Variants in CELF2 observed in about 807,000 individuals in gnomAD.
CELF2 encodes the protein CUG triplet repeat RNA-binding protein 2.
Under a neutral mutation model 62.6 loss-of-function variants are expected in CELF2, and 8 were observed. That is an observed-to-expected ratio of 0.13 (90% confidence interval 0.07 to 0.23). The LOEUF (loss-of-function observed/expected upper bound fraction) is 0.23, where lower values mean the gene tolerates loss of function less well. Among genes scored for constraint, CELF2 ranks in the 10% least tolerant of loss-of-function variants. CELF2 has a pLI of 1.00. For synonymous variants in CELF2, 258 were observed against 250.0 expected (o/e 1.03, Z -0.30); for missense variants, 333 against 671.0 (o/e 0.50, Z 5.56).
intron 2 of CELF2, among the ~76,000 whole-genome samples, chr10:11,167,787 C>T (rs1385428217): frequency 6.6e-6 from 1 of 152,146 alleles, no homozygotes; most frequent in Admixed American, 6.6e-5. Context: ...GTATCTCAGA[C>T]CCTGTGTCAG....
At chr10:10,863,160 A>G (rs921032246) in intron 1 of CELF2, among the ~76,000 whole-genome samples, 1 of 152,144 alleles carries the variant, frequency 6.6e-6, no homozygotes, top group Non-Finnish European at 1.5e-5. Flanking sequence ...ACAGGAAAGA[A>G]CCCTACTCCT....
At chr10:10,709,784 G>T in the CELF2 span, among the ~76,000 whole-genome samples, 1 of 152,142 alleles carries the variant, frequency 6.6e-6, no homozygotes, top group Non-Finnish European at 1.5e-5. Context: ...AATTATGATC[G>T]ATTTTAAAAA....
At chr10:11,015,042 T>C (rs535508224), upstream of CELF2, among the ~76,000 whole-genome samples, 133 of 152,308 alleles carry the variant, frequency 8.7e-4, no homozygotes, top group African/African-American at 3.1e-3. This position sits in a 1 kb window ranked among gnomAD's most constrained non-coding sequence, Gnocchi z 4.8. Flanking sequence ...CCTCCACTGC[T>C]GTCGATAAGA....
At position 11,302,117 on chromosome 10, in the gene CELF2, C is replaced by T. The variant is rs1342301075; in HGVS notation, c.977-12022C>T. ...TGGGGTTTCTTTTCCTCTGGAAGAA[C>T]AGAACCGTAACTTACCACTCTCACC... On this transcript the variant is annotated intron_variant, in intron 9 of 12. Transcript: ENST00000633077. The surrounding 1 kb of genome is among the most constrained non-coding windows in gnomAD (Gnocchi z 5.0). Among the ~76,000 whole-genome samples the T allele has an allele frequency of 6.6e-6, 1 of 152,226 alleles. No individual in the cohort carries two copies. The highest frequency in any genetic ancestry group is 2.4e-5 in the African/African-American group (1 of 41,458).
At chr10:10,565,905 G>A in the CELF2 span, among the ~76,000 whole-genome samples, 1 of 152,156 alleles carries the variant, frequency 6.6e-6, no homozygotes, top group East Asian at 1.9e-4. Flanking sequence ...AATTAATGAG[G>A]CAGTGGAGGT....
chr10:10,780,737 C>T, the CELF2 span, among the ~76,000 whole-genome samples: 1 of 152,172 alleles, frequency 6.6e-6, no homozygotes, highest in African/African-American at 2.4e-5. Context: ...CTTTGGCTTC[C>T]CAAAGTGCTG....
chr10:10,501,578 A>T, the CELF2 span, among the ~76,000 whole-genome samples: 1 of 151,962 alleles, frequency 6.6e-6, no homozygotes, highest in Non-Finnish European at 1.5e-5. Flanking sequence ...TTGTATTTTT[A>T]ATTTTAATTT....
At chr10:10,625,814 G>A in the CELF2 span, among the ~76,000 whole-genome samples, 1 of 152,174 alleles carries the variant, frequency 6.6e-6, no homozygotes, top group Admixed American at 6.5e-5. Flanking sequence ...GAACAGGGTC[G>A]ATCTGAGTGT....
At chr10:10,866,920 C>CAAA (rs56098222) in intron 1 of CELF2, among the ~76,000 whole-genome samples, 2 of 97,706 alleles carry the variant, frequency 2.0e-5, no homozygotes, top group Non-Finnish European at 3.9e-5. Flanking sequence ...AACTCCTTCT[C>CAAA]AAAAAAAAAA....
intron 2 of CELF2, among the ~76,000 whole-genome samples, chr10:10,962,766 A>G (rs796856377): frequency 1.2e-4 from 19 of 152,324 alleles, no homozygotes; most frequent in African/African-American, 4.3e-4. Flanking sequence ...AAGAGAGGAA[A>G]TGAAGGAAGA....
At chr10:10,638,782 G>A in the CELF2 span, among the ~76,000 whole-genome samples, 1 of 152,164 alleles carries the variant, frequency 6.6e-6, no homozygotes, top group Non-Finnish European at 1.5e-5. Flanking sequence ...TAGACCAAAT[G>A]TATTCACCAA....
intron 2 of CELF2, among the ~76,000 whole-genome samples, chr10:10,930,140 AG>A (rs1438669603): frequency 6.6e-6 from 1 of 152,240 alleles, no homozygotes. Flanking sequence ...AGACTATCAA[AG>A]GAATGATCTT....
chr10:10,847,460 A>AT (rs1171257855), intron 1 of CELF2, among the ~76,000 whole-genome samples: 1 of 152,190 alleles, frequency 6.6e-6, no homozygotes, highest in Non-Finnish European at 1.5e-5. Context: ...TGCGATACAC[A>AT]TGCAGGAAGA....
the CELF2 span, among the ~76,000 whole-genome samples, chr10:10,720,164 G>T: frequency 6.6e-6 from 1 of 152,152 alleles, no homozygotes; most frequent in Non-Finnish European, 1.5e-5. Context: ...CACTGTGCAG[G>T]ACTTACGGCA....
At chr10:10,618,573 G>A in the CELF2 span, among the ~76,000 whole-genome samples, 14 of 152,152 alleles carry the variant, frequency 9.2e-5, no homozygotes, top group East Asian at 2.3e-3. Flanking sequence ...TTATGGTGGG[G>A]CACTGAAATG....
the CELF2 span, among the ~76,000 whole-genome samples, chr10:10,790,507 A>G: frequency 4.6e-5 from 7 of 152,310 alleles, no homozygotes; most frequent in Admixed American, 4.6e-4. Context: ...TGATACATAC[A>G]TGAGAACTAA....
chr10:10,876,402 A>G (rs1476258400), intron 1 of CELF2, among the ~76,000 whole-genome samples: 1 of 152,136 alleles, frequency 6.6e-6, no homozygotes, highest in Non-Finnish European at 1.5e-5. Context: ...AAACTGTGCC[A>G]TTGTCTTCTC....
chr10:10,736,804 A>G, the CELF2 span, among the ~76,000 whole-genome samples: 1 of 152,168 alleles, frequency 6.6e-6, no homozygotes, highest in Non-Finnish European at 1.5e-5. Flanking sequence ...GAACACCAAC[A>G]CCAATCTGTT....
intron 1 of CELF2, among the ~76,000 whole-genome samples, chr10:10,890,298 A>G (rs1325220843): frequency 6.6e-6 from 1 of 152,208 alleles, no homozygotes; most frequent in African/African-American, 2.4e-5. Flanking sequence ...AATTGTCTAC[A>G]TCATGGACAG....
Sources: allele counts gnomAD v4.1 joint callset (sites outside exome capture counted in the v4.1 genomes callset), GRCh38; gene constraint gnomAD v4.1.1; non-coding constraint Gnocchi (gnomAD v3.1); transcripts MANE v1.5; gene names NCBI Gene and HGNC (gene_info 2026-07-23, HGNC 2026-07-21).